Variants in PDE4B observed in about 807,000 individuals in gnomAD.
PDE4B encodes the protein 3',5'-cyclic-AMP phosphodiesterase 4B.
A neutral mutation model predicts 82.2 loss-of-function variants in PDE4B; 20 were observed. The observed-to-expected ratio is 0.24, with a 90% CI of 0.17 to 0.35. The LOEUF is 0.35. Ranked by LOEUF, PDE4B falls within the 10% of genes least tolerant of loss-of-function variation. PDE4B has a pLI of 1.00. For synonymous variants in PDE4B, 320 were observed against 318.9 expected, an observed-to-expected ratio of 1.00 and a Z score of -0.04; for missense variants, 655 against 907.2, an observed-to-expected ratio of 0.72 and a Z score of 3.57.
intron 3 of PDE4B, among the ~76,000 whole-genome samples, chr1:66,115,709 A>G (rs1277572052): frequency 6.6e-6 from 1 of 152,204 alleles, no homozygotes; most frequent in Non-Finnish European, 1.5e-5. Context: ...CATTGCACTG[A>G]AGAGCTAGAA....
chr1:65,879,924 C>A (rs1027240082), intron 1 of PDE4B, among the ~76,000 whole-genome samples: 9 of 152,138 alleles, frequency 5.9e-5, no homozygotes, highest in African/African-American at 2.2e-4. Context: ...ATGTATCATT[C>A]CTTCATCATA....
intron 4 of PDE4B, among the ~76,000 whole-genome samples, chr1:66,250,389 T>A (rs890665524): frequency 6.6e-6 from 1 of 152,220 alleles, no homozygotes; most frequent in African/African-American, 2.4e-5. Flanking sequence ...CATTAAATCC[T>A]AGTAATAAAG....
At chr1:65,796,142 G>T (rs547916932) in intron 1 of PDE4B, among the ~76,000 whole-genome samples, 13 of 152,290 alleles carry the variant, frequency 8.5e-5, no homozygotes, top group African/African-American at 2.9e-4. Flanking sequence ...AGAGTTTCAA[G>T]AATATTTTCT....
intron 1 of PDE4B, among the ~76,000 whole-genome samples, chr1:65,870,938 G>A (rs1020587595): frequency 6.6e-6 from 1 of 152,104 alleles, no homozygotes; most frequent in African/African-American, 2.4e-5. Flanking sequence ...AAGAGAGTTA[G>A]ACACCAAATT....
At chr1:65,887,064 G>A (rs1220519926) in intron 1 of PDE4B, among the ~76,000 whole-genome samples, 1 of 151,810 alleles carries the variant, frequency 6.6e-6, no homozygotes, top group East Asian at 1.9e-4. Flanking sequence ...TCGTTCAACT[G>A]GGTAAGATTA....
intron 3 of PDE4B, among the ~76,000 whole-genome samples, chr1:65,982,978 C>T (rs555254727): frequency 9.9e-4 from 151 of 152,248 alleles, no homozygotes; most frequent in African/African-American, 3.5e-3. Flanking sequence ...CAGGTCTGGC[C>T]ACTAATGCTC....
At chr1:66,029,285 C>G (rs1246166408) in intron 3 of PDE4B, among the ~76,000 whole-genome samples, 1 of 152,138 alleles carries the variant, frequency 6.6e-6, no homozygotes, top group Non-Finnish European at 1.5e-5. Context: ...GTAAGACCGG[C>G]TCCTGTGATT....
intron 3 of PDE4B, among the ~76,000 whole-genome samples, chr1:66,096,397 AACC>A (rs1416308386): frequency 6.6e-6 from 1 of 150,834 alleles, no homozygotes; most frequent in Non-Finnish European, 1.5e-5. Context: ...GTTGCATAAC[AACC>A]ACCACAATTA....
chr1:66,177,818 G>A (rs1362869638), intron 3 of PDE4B, among the ~76,000 whole-genome samples: 2 of 152,094 alleles, frequency 1.3e-5, no homozygotes, highest in African/African-American at 2.4e-5. Flanking sequence ...TTTCCTAAAG[G>A]TGGGATCATC....
At chr1:66,071,029 TTA>T (rs1166477927) in intron 3 of PDE4B, among the ~76,000 whole-genome samples, 2 of 152,076 alleles carry the variant, frequency 1.3e-5, no homozygotes, top group Non-Finnish European at 2.9e-5. Context: ...TCAGAGTAAA[TTA>T]TGTTAATAAT....
intron 7 of PDE4B, among the ~76,000 whole-genome samples, chr1:66,301,718 A>T (rs1210579513): frequency 1.3e-5 from 2 of 152,096 alleles, no homozygotes; most frequent in South Asian, 4.1e-4. Context: ...TACTACCTAA[A>T]CTAGGTCATG....
intron 3 of PDE4B, among the ~76,000 whole-genome samples, chr1:66,192,246 T>A (rs1647881091): frequency 6.6e-6 from 1 of 152,192 alleles, no homozygotes; most frequent in Non-Finnish European, 1.5e-5. Flanking sequence ...TCTACCCAAC[T>A]GAAGATCAGG....
intron 3 of PDE4B, among the ~76,000 whole-genome samples, chr1:65,981,226 A>G (rs934755391): frequency 1.2e-4 from 19 of 152,186 alleles, no homozygotes; most frequent in Admixed American, 6.5e-4. Context: ...AGACAAATAA[A>G]TTCTTTTTGA....
At chr1:66,273,157 C>G (rs1355066721) in intron 7 of PDE4B, among the ~76,000 whole-genome samples, 2 of 152,150 alleles carry the variant, frequency 1.3e-5, no homozygotes, top group African/African-American at 2.4e-5. Flanking sequence ...CATGCAAAAG[C>G]CTTTAGAATT....
chr1:66,110,283 G>A (rs1234917714), intron 3 of PDE4B, among the ~76,000 whole-genome samples: 1 of 152,002 alleles, frequency 6.6e-6, no homozygotes, highest in Non-Finnish European at 1.5e-5. Context: ...AAGTATGCAA[G>A]TGTGAGATGG....
At chr1:66,305,614 C>T (rs1312647820) in intron 7 of PDE4B, among the ~76,000 whole-genome samples, 1 of 152,050 alleles carries the variant, frequency 6.6e-6, no homozygotes, top group Non-Finnish European at 1.5e-5. Context: ...TCCTCCAGCT[C>T]CTTTAAAGCT....
chr1:66,115,106 A>C (rs148100694), intron 3 of PDE4B, among the ~76,000 whole-genome samples: 85 of 152,300 alleles, frequency 5.6e-4, no homozygotes, highest in Non-Finnish European at 1.1e-3. Flanking sequence ...GTGATCATGG[A>C]GCCTAAATGA....
chr1:65,936,145 C>T (rs1377188713), intron 3 of PDE4B, among the ~76,000 whole-genome samples: 1 of 152,018 alleles, frequency 6.6e-6, no homozygotes, highest in Non-Finnish European at 1.5e-5. Context: ...GTGTCTTCCA[C>T]CTCCACATCT....
In PDE4B at chr1:66,132,781, G is replaced by A. The variant is rs572288337; in HGVS notation, c.282-114679G>A. On this transcript the variant is annotated intron_variant, in intron 3 of 16. Transcript: ENST00000341517. ...ACAGAGCAACTTTTGATGGAAACTT[G>A]GGCTCACCAGCATACATTTTTGCAG... Among the ~76,000 whole-genome samples, 10 of 152,174 alleles carry A rather than the reference G, an allele frequency of 6.6e-5. No homozygotes were observed. The South Asian group carries it at 2.1e-3, about 32-fold the overall frequency.
Sources: gnomAD v4.1 joint callset for allele counts (sites outside exome capture counted in the v4.1 genomes callset) on GRCh38, gnomAD v4.1.1 for gene constraint, MANE v1.5 for transcripts, NCBI Gene and HGNC (gene_info 2026-07-23, HGNC 2026-07-21) for gene names.